AR: variants seen among roughly 807,000 people sequenced by gnomAD.
AR encodes the protein dihydrotestosterone receptor.
In AR, 8 loss-of-function variants were observed where a neutral mutation model predicts 53.9. The observed-to-expected ratio is 0.15, with a 90% CI of 0.09 to 0.27. AR has a LOEUF of 0.27. Ranked by LOEUF, AR falls within the 10% of genes least tolerant of loss-of-function variation. AR has a pLI of 1.00. For synonymous variants in AR, 359 were observed against 316.4 expected, an observed-to-expected ratio of 1.13 and a Z score of -1.43; for missense variants, 639 against 742.5, an observed-to-expected ratio of 0.86 and a Z score of 1.62.
rs571209658 is a variant in AR at position 67,546,273 on chromosome X, C to G, written c.1127C>G (p.Pro376Arg). Residue 376 changes from proline to arginine, a missense_variant, in exon 1 of 8, where the codon CCC becomes CGC. Physicochemically the swap from Pro to Arg is moderately radical, Grantham distance 103. This residue lies in a region of AR where 423 missense variants were observed against 377.0 expected (regional missense o/e 1.12). Transcript: ENST00000374690. The stretch of plus-strand genomic sequence containing the variant: ...CCACTGGCTCTGGCCGGACCGCCGC[C>G]CCCTCCGCCGCCTCCCCATCCCCAC... Reference protein sequence around the residue: ...NFPLALAGPPPPPPPPHPHAR... With the variant: ...NFPLALAGPPRPPPPPHPHAR... 8.3e-7 allele frequency: 1 copy of G among 1,206,057 alleles called. No homozygotes were observed. The highest frequency in any genetic ancestry group is 1.8e-5 in the South Asian group (1 of 56,081).
Position 67,648,534 on chromosome X carries a change from C to T in AR, c.1768+5127C>T, listed in dbSNP as rs533533479. Among the ~76,000 whole-genome samples, 11 of 111,399 alleles carry T rather than the reference C, an allele frequency of 9.9e-5. 1 individual carries two copies. The South Asian group carries it at 3.8e-3, about 38-fold the overall frequency. ...CATGATTCTGTCTTCGCACACTCAC[C>T]GGCTTAATTCTGGGCCTCCCCATAA... On this transcript the variant is annotated intron_variant, in intron 2 of 7. Transcript: ENST00000374690.
At chrX:67,717,672 G>C (rs1486147224) in intron 5 of AR, 50 bp downstream of exon 5, 1 of 1,198,234 alleles carries the variant, frequency 8.3e-7, no homozygotes, top group Non-Finnish European at 1.1e-6. Flanking sequence ...AGCTTGGCCA[G>C]ACCTGGTTGG....
At chrX:67,571,901 G>A (rs920473947) in intron 1 of AR, among the ~76,000 whole-genome samples, 9 of 110,158 alleles carry the variant, frequency 8.2e-5, no homozygotes, top group Non-Finnish European at 1.7e-4. Context: ...TTTTTCTTTT[G>A]TTGTATTGAT....
At chrX:67,643,962 G>T (rs953628922) in intron 2 of AR, among the ~76,000 whole-genome samples, 1 of 112,064 alleles carries the variant, frequency 8.9e-6, no homozygotes, top group East Asian at 2.8e-4. Flanking sequence ...TCCTAGGTAG[G>T]TAAGAACTCA....
At position 67,636,763 on chromosome X, in the gene AR, G is replaced by A. The variant is rs188018669; in HGVS notation, c.1617-6493G>A. Among the ~76,000 whole-genome samples the A allele has an allele frequency of 2.3e-4, 26 of 111,507 alleles. 1 individual carries two copies. The East Asian group carries it at 7.1e-3, about 30-fold the overall frequency. On this transcript the variant is annotated intron_variant, in intron 1 of 7. Transcript: ENST00000374690. ...TTGTCCACACTAGGTCAGGATCAGT[G>A]GGAGTGCTACCCAAAATATTTTGCT...
chrX:67,633,849 C>G (rs1925289905), intron 1 of AR, among the ~76,000 whole-genome samples: 1 of 111,493 alleles, frequency 9.0e-6, no homozygotes, highest in Admixed American at 9.6e-5. Flanking sequence ...TATTAAATGT[C>G]CATAAAAGAA....
intron 2 of AR, among the ~76,000 whole-genome samples, chrX:67,665,409 A>G (rs1447741673): frequency 8.9e-6 from 1 of 112,548 alleles, no homozygotes; most frequent in Non-Finnish European, 1.9e-5. Flanking sequence ...CTGAGGGAGA[A>G]CAAACTAGAA....
chrX:67,570,473 AGT>A (rs1921767338), intron 1 of AR, among the ~76,000 whole-genome samples: 1 of 112,267 alleles, frequency 8.9e-6, no homozygotes, highest in Non-Finnish European at 1.9e-5. Flanking sequence ...AATTATGCAC[AGT>A]GTGTCTTTAT....
At chrX:67,722,640 C>T (rs756295597) in intron 6 of AR, among the ~76,000 whole-genome samples, 187 bp from the exon 7 acceptor site, 20 of 111,292 alleles carry the variant, frequency 1.8e-4, no homozygotes, top group Non-Finnish European at 3.0e-4. Context: ...ATCCAGCTAT[C>T]CTTTCCCCTG....
chrX:67,717,333 C>T, intron 4 of AR, 145 bp from the exon 5 acceptor site: 1 of 761,032 alleles, frequency 1.3e-6, no homozygotes, highest in South Asian at 2.3e-5. Context: ...TTTTCCCCAC[C>T]ACCCCTTAAT....
At chrX:67,568,881 A>C in intron 1 of AR, 1 of 1,198,103 alleles carries the variant, frequency 8.3e-7, no homozygotes, top group East Asian at 3.0e-5. Flanking sequence ...CATCTGTTCC[A>C]TCTTCTTGCC....
chrX:67,586,941 C>T (rs761747895), intron 1 of AR, among the ~76,000 whole-genome samples: 13 of 112,164 alleles, frequency 1.2e-4, no homozygotes, highest in Admixed American at 1.9e-4. Context: ...TTGTTGATTG[C>T]ACTGGCTTGC....
At chrX:67,654,900 G>C (rs990444516) in intron 2 of AR, among the ~76,000 whole-genome samples, 2 of 99,087 alleles carry the variant, frequency 2.0e-5, no homozygotes, top group Middle Eastern at 9.6e-3. Context: ...AATGTGGTTT[G>C]GTTATAGTGG....
At chrX:67,590,865 G>A (rs1922796652) in intron 1 of AR, among the ~76,000 whole-genome samples, 1 of 112,208 alleles carries the variant, frequency 8.9e-6, no homozygotes, top group Non-Finnish European at 1.9e-5. Flanking sequence ...TCTGATGTCT[G>A]ACCATTGTTC....
Position 67,730,273 on chromosome X carries a change from G to T in AR, c.*6432G>T, listed in dbSNP as rs1310430730. ...TCTTTAGATGGGGCTCATTTCTCAC[G>T]GTGGCACTTGGCCTCCACTGGGCAG... On this transcript the variant is annotated 3_prime_UTR_variant, in exon 8 of 8. Coordinates refer to ENST00000374690, the MANE Select transcript of AR (RefSeq NM_000044.6). 1.7e-5 allele frequency: 3 copies of T among 174,040 alleles called. No homozygotes were observed. The highest frequency in any genetic ancestry group is 8.8e-5 in the African/African-American group (3 of 33,918). 14.3% of individuals were successfully genotyped at this position (174,040 alleles called of 1,213,427 possible).
At chrX:67,571,121 A>T (rs1921794459) in intron 1 of AR, among the ~76,000 whole-genome samples, 1 of 110,683 alleles carries the variant, frequency 9.0e-6, no homozygotes, top group Non-Finnish European at 1.9e-5. Flanking sequence ...GAAGGTTACC[A>T]CCTCTATTTA....
intron 1 of AR, among the ~76,000 whole-genome samples, chrX:67,616,242 AATGTGCAGGTTTGTTACATAGGCATAC>A (rs1602194612): frequency 9.0e-6 from 1 of 110,993 alleles, no homozygotes; most frequent in Non-Finnish European, 1.9e-5. Context: ...ACATGTGCAG[AATGTGCAGGTTTGTTACATAGGCATAC>A]ATGTGCCATG....
chrX:67,660,019 G>T (rs1318541016), intron 2 of AR, among the ~76,000 whole-genome samples: 1 of 112,025 alleles, frequency 8.9e-6, no homozygotes, highest in Admixed American at 9.4e-5. Flanking sequence ...TCTTCTTTGA[G>T]ACGTGTCTGT....
chrX:67,651,275 C>T (rs1326204288), intron 2 of AR, among the ~76,000 whole-genome samples: 1 of 107,896 alleles, frequency 9.3e-6, no homozygotes, highest in Non-Finnish European at 1.9e-5. Flanking sequence ...TCTCGAACTC[C>T]TGACCTCGTG....
Sources: allele counts gnomAD v4.1 joint callset (sites outside exome capture counted in the v4.1 genomes callset), GRCh38; gene constraint gnomAD v4.1.1; regional missense constraint gnomAD v4.1.1; transcripts MANE v1.5; gene names NCBI Gene and HGNC (gene_info 2026-07-23, HGNC 2026-07-21).